IFT74: variants seen among roughly 807,000 people sequenced by gnomAD.
IFT74 encodes the protein intraflagellar transport protein 74 homolog.
A neutral mutation model predicts 96.7 loss-of-function variants in IFT74; 92 were observed. The observed-to-expected ratio is 0.95, with a 90% CI of 0.80 to 1.13. The LOEUF is 1.13. Ranked by LOEUF, IFT74 falls within the 50% of genes most tolerant of loss-of-function variation. The pLI is 0.00. For missense variants in IFT74, 811 were observed against 698.2 expected, an observed-to-expected ratio of 1.16 and a Z score of -1.82; for synonymous variants, 223 against 213.2, an observed-to-expected ratio of 1.05 and a Z score of -0.40.
intron 8 of IFT74, among the ~76,000 whole-genome samples, chr9:27,006,727 A>T (rs1828800262): frequency 6.7e-6 from 1 of 148,886 alleles, no homozygotes; most frequent in Non-Finnish European, 1.5e-5. Context: ...AGGAAAGGAG[A>T]GAGAGAGAAA....
chr9:26,961,940 T>G lies in IFT74; in HGVS notation c.-19-9T>G, dbSNP rs1247443347. ...TCAAAGGATTGAACTATTTATTGTT[T>G]CCAAACAGCGATTAAAGTGAAGAAA... On this transcript the variant is annotated splice_polypyrimidine_tract_variant and intron_variant, in intron 1 of 19. Coordinates refer to ENST00000380062, the MANE Select transcript of IFT74 (RefSeq NM_025103.4). The G allele has an allele frequency of 6.2e-7, 1 of 1,613,906 alleles. No individual in the cohort carries two copies. Among genetic ancestry groups the G allele is most frequent in the African/African-American group, 1.3e-5 (1 of 75,028 alleles).
rs937586111 is a variant in IFT74, at chr9:27,031,781, T to A, written c.1054+2677T>A. Among the ~76,000 whole-genome samples, 15 of 122,748 alleles carry A rather than the reference T, an allele frequency of 1.2e-4. No individual in the cohort carries two copies. The East Asian group carries it at 1.4e-3, about 11-fold the overall frequency. 80.5% of individuals were successfully genotyped at this position (122,748 alleles called of 152,430 possible). On this transcript the variant is annotated intron_variant, in intron 13 of 19. Transcript: ENST00000380062. ...TAAAATAAAATAAAATAAAATAAAA[T>A]AAATAAAATAAAATGTAAAATAAAA...
chr9:27,040,653 G>C (rs1347012175), intron 13 of IFT74, among the ~76,000 whole-genome samples: 1 of 151,748 alleles, frequency 6.6e-6, no homozygotes, highest in Non-Finnish European at 1.5e-5. Flanking sequence ...GTCCTGTGGA[G>C]TTTTTTCTTG....
intron 8 of IFT74, among the ~76,000 whole-genome samples, chr9:27,001,627 T>G (rs1828498169): frequency 6.6e-6 from 1 of 152,246 alleles, no homozygotes; most frequent in South Asian, 2.1e-4. Context: ...ATCTATTCAG[T>G]TCTTTTGCCA....
intron 8 of IFT74, chr9:26,995,612 A>G: frequency 6.2e-7 from 1 of 1,611,024 alleles, no homozygotes; most frequent in South Asian, 1.1e-5. Context: ...TTGTTCAAAT[A>G]TTACTGTAGT....
chr9:27,006,635 G>GAGAGA, intron 8 of IFT74, among the ~76,000 whole-genome samples: 1 of 143,430 alleles, frequency 7.0e-6, no homozygotes, highest in South Asian at 2.4e-4. Flanking sequence ...GAGAGAGAGA[G>GAGAGA]AGAGAAGAGA....
intron 8 of IFT74, among the ~76,000 whole-genome samples, chr9:26,992,310 C>G (rs1030437282): frequency 3.3e-5 from 5 of 151,946 alleles, no homozygotes; most frequent in African/African-American, 1.2e-4. Context: ...GAAGATACAT[C>G]CAAACCATTT....
chr9:26,956,007 T>C (rs1038298375), upstream of IFT74: 4 of 152,212 alleles, frequency 2.6e-5, no homozygotes, highest in Non-Finnish European at 4.4e-5. Context: ...TTGTGTACGC[T>C]ATGCCGTCCT....
chr9:26,976,692 G>T, intron 2 of IFT74: 1 of 449,710 alleles, frequency 2.2e-6, no homozygotes, highest in South Asian at 1.6e-5. Context: ...AGAAAGGCAG[G>T]GGGTACCTGG....
rs529593511 is a variant in IFT74 at position 27,017,266 on chromosome 9, A to G, written c.933+216A>G. Among the ~76,000 whole-genome samples the G allele has an allele frequency of 2.7e-4, 41 of 152,294 alleles. 1 individual carries two copies. The South Asian group carries it at 7.9e-3, about 29-fold the overall frequency. On this transcript the variant is annotated intron_variant, in intron 11 of 19. Transcript: ENST00000380062. ...GATGTAGGATCTTGCTCTGTAACCCAGGCTGGAGCACAGTGGTGCAATCAT... is the reference window on the plus strand; with the variant it reads ...GATGTAGGATCTTGCTCTGTAACCCGGGCTGGAGCACAGTGGTGCAATCAT...
intron 17 of IFT74, 43 bp downstream of exon 17, chr9:27,055,815 T>C: frequency 2.3e-6 from 3 of 1,289,118 alleles, no homozygotes; most frequent in Non-Finnish European, 3.1e-6. Flanking sequence ...TTCAGATTGT[T>C]TTTTTCTTGA....
intron 12 of IFT74, among the ~76,000 whole-genome samples, chr9:27,027,762 T>A (rs1028480914): frequency 6.6e-6 from 1 of 152,180 alleles, no homozygotes; most frequent in African/African-American, 2.4e-5. Flanking sequence ...ATTCTATGAA[T>A]TATCTTTTCA....
At chr9:27,002,394 C>T (rs1275728836) in intron 8 of IFT74, among the ~76,000 whole-genome samples, 1 of 152,202 alleles carries the variant, frequency 6.6e-6, no homozygotes. Context: ...AGAGTCAGCC[C>T]TCCAGTGTTT....
intron 1 of IFT74, among the ~76,000 whole-genome samples, chr9:26,950,609 G>C (rs1037092406): frequency 6.6e-6 from 1 of 152,196 alleles, no homozygotes; most frequent in Non-Finnish European, 1.5e-5. Flanking sequence ...GTGAGGTTTT[G>C]AGCAAAATGG....
At chr9:27,012,418 G>T (rs996485417) in intron 10 of IFT74, among the ~76,000 whole-genome samples, 2 of 151,768 alleles carry the variant, frequency 1.3e-5, no homozygotes, top group African/African-American at 4.8e-5. Flanking sequence ...TAAAGACAGG[G>T]TCTCGTTATG....
At chr9:26,977,247 G>C (rs1454217964) in intron 2 of IFT74, among the ~76,000 whole-genome samples, 1 of 151,846 alleles carries the variant, frequency 6.6e-6, no homozygotes, top group Non-Finnish European at 1.5e-5. Context: ...CCAAGTAGCT[G>C]GGCCTGTTGG....
chr9:27,044,916 T>G, intron 14 of IFT74, 121 bp downstream of exon 14: 2 of 571,132 alleles, frequency 3.5e-6, no homozygotes, highest in Non-Finnish European at 6.2e-6. Flanking sequence ...GTGTGGACAT[T>G]CAAAGCATTT....
rs1411027686 is a variant in IFT74 at position 27,033,492 on chromosome 9, G to A, written c.1054+4388G>A. ...GATGATTACTTGAACCTCGGAAGTC[G>A]AGGCTGCAGTAAGCCGAAATCACTC... is the stretch of plus-strand genomic sequence containing the variant. On this transcript the variant is annotated intron_variant, in intron 13 of 19. Coordinates refer to ENST00000380062, the MANE Select transcript of IFT74 (RefSeq NM_025103.4). Among the ~76,000 whole-genome samples the A allele has an allele frequency of 4.6e-5, 7 of 150,900 alleles. No homozygotes were observed. In the East Asian group the frequency reaches 5.9e-4, roughly 13 times the overall value.
intron 2 of IFT74, among the ~76,000 whole-genome samples, chr9:26,964,914 A>C (rs1656038416): frequency 6.6e-6 from 1 of 152,166 alleles, no homozygotes; most frequent in Admixed American, 6.5e-5. Context: ...TAAGAGAAAC[A>C]CATCATATGA....
Sources: gnomAD v4.1 joint callset for allele counts (sites outside exome capture counted in the v4.1 genomes callset) on GRCh38, gnomAD v4.1.1 for gene constraint, MANE v1.5 for transcripts, NCBI Gene and HGNC (gene_info 2026-07-23, HGNC 2026-07-21) for gene names.